The following ADGRL4 variants were observed in gnomAD, a reference collection of about 807,000 sequenced individuals.
ADGRL4 encodes the protein EGF, latrophilin and seven transmembrane domain containing 1.
In ADGRL4, 90 loss-of-function variants were observed where a neutral mutation model predicts 74.8. The ratio of observed to expected loss-of-function variants is 1.20; its 90% CI spans 1.02 to 1.43. The LOEUF (loss-of-function observed/expected upper bound fraction) is 1.43. ADGRL4 is among the 40% of genes most tolerant of loss of function. ADGRL4 has a pLI of 0.00. For synonymous variants in ADGRL4, 311 were observed against 279.2 expected, an observed-to-expected ratio of 1.11 and a Z score of -1.14; for missense variants, 881 against 814.3, an observed-to-expected ratio of 1.08 and a Z score of -1.00.
chr1:78,984,692 C>A (rs1018619922), intron 2 of ADGRL4, among the ~76,000 whole-genome samples: 2 of 150,724 alleles, frequency 1.3e-5, no homozygotes, highest in African/African-American at 4.9e-5. Flanking sequence ...TCTTAAAAAA[C>A]ACACACACAC....
intron 3 of ADGRL4, among the ~76,000 whole-genome samples, chr1:78,941,870 A>T (rs1212374066): frequency 1.3e-5 from 2 of 152,118 alleles, no homozygotes. Flanking sequence ...TATAACACTT[A>T]TGAGCTGTGT....
intron 2 of ADGRL4, among the ~76,000 whole-genome samples, chr1:78,960,623 C>A (rs1164381778): frequency 1.3e-5 from 2 of 152,076 alleles, no homozygotes; most frequent in African/African-American, 4.8e-5. Flanking sequence ...TTTAAAGTAA[C>A]CTTGCAATGG....
chr1:79,000,213 T>C (rs1246371859), intron 2 of ADGRL4, among the ~76,000 whole-genome samples: 1 of 152,178 alleles, frequency 6.6e-6, no homozygotes, highest in Non-Finnish European at 1.5e-5. Context: ...AAAATTTTAA[T>C]TAGGTTTCAT....
chr1:78,955,667 T>C (rs1309273945), intron 2 of ADGRL4, among the ~76,000 whole-genome samples: 1 of 152,120 alleles, frequency 6.6e-6, no homozygotes, highest in African/African-American at 2.4e-5. Flanking sequence ...CATCATTATT[T>C]TTGCGTAATC....
chr1:79,003,849 T>C (rs1476369616), intron 2 of ADGRL4, among the ~76,000 whole-genome samples: 1 of 152,060 alleles, frequency 6.6e-6, no homozygotes, highest in African/African-American at 2.4e-5. Context: ...TGCCATTCAA[T>C]TAAATACACA....
rs41312730 is a variant in ADGRL4, at chr1:78,920,122, T to C, written c.1461+61A>G. The stretch of plus-strand genomic sequence containing the variant: ...AATTACAAATAATGTTTCTAGGACA[T>C]ATACATTTAAGAAAGTACACATATC... On this transcript the variant is annotated intron_variant, in intron 10 of 14. Transcript: ENST00000370742. The C allele has an allele frequency of 0.048, 59,785 of 1,234,972 alleles. 1,693 individuals are homozygous for C. The highest frequency in any genetic ancestry group is 0.055 in the Middle Eastern group (214 of 3,890). 76.5% of individuals were successfully genotyped at this position (1,234,972 alleles called of 1,614,324 possible).
rs986153730 is a variant in ADGRL4, at chr1:79,005,548, C to T, written c.23-329G>A. ...TGTTGATTAAGTGTTACCCTTCATT[C>T]TGAGGTGAGATACTTTGAAAGGGAA... On this transcript the variant is annotated intron_variant, in intron 1 of 14. Coordinates refer to ENST00000370742, the MANE Select transcript of ADGRL4 (RefSeq NM_022159.4). 4.6e-5 allele frequency among the ~76,000 whole-genome samples: 7 copies of T among 152,170 alleles called. 1 individual carries two copies. The highest frequency in any genetic ancestry group is 1.0e-4 in the Non-Finnish European group (7 of 68,040).
chr1:78,896,197 G>C (rs1648394944), intron 12 of ADGRL4, among the ~76,000 whole-genome samples: 1 of 152,040 alleles, frequency 6.6e-6, no homozygotes, highest in South Asian at 2.1e-4. Flanking sequence ...CTCAAGCCTT[G>C]AGGATTTTCC....
intron 2 of ADGRL4, among the ~76,000 whole-genome samples, chr1:78,995,346 A>G (rs1241833595): frequency 2.0e-5 from 3 of 152,178 alleles, no homozygotes; most frequent in Non-Finnish European, 4.4e-5. Flanking sequence ...ATATGGAAAA[A>G]ACGCTTCCTT....
intron 2 of ADGRL4, among the ~76,000 whole-genome samples, chr1:78,952,135 G>A (rs1649742510): frequency 6.6e-6 from 1 of 151,810 alleles, no homozygotes; most frequent in African/African-American, 2.4e-5. Context: ...AGATATTATT[G>A]GCCGGGCTCA....
chr1:78,938,334 A>G (rs914441404), intron 4 of ADGRL4, 55 bp from the exon 5 acceptor site: 4 of 1,409,398 alleles, frequency 2.8e-6, no homozygotes, highest in African/African-American at 2.9e-5. Flanking sequence ...CTGGAGTTTT[A>G]CAAGAATAAA....
At chr1:78,930,802 C>T (rs1462214567) in intron 7 of ADGRL4, among the ~76,000 whole-genome samples, 1 of 151,278 alleles carries the variant, frequency 6.6e-6, no homozygotes, top group Admixed American at 6.6e-5. Context: ...TCTGTACTGT[C>T]TGCTGATGGA....
intron 4 of ADGRL4, among the ~76,000 whole-genome samples, chr1:78,938,589 A>C (rs927732949): frequency 5.9e-5 from 9 of 152,126 alleles, no homozygotes; most frequent in African/African-American, 2.2e-4. Context: ...TATCCTAGCC[A>C]ATGAATCTAC....
chr1:78,924,428 A>G (rs538477433), intron 8 of ADGRL4, among the ~76,000 whole-genome samples: 17 of 152,146 alleles, frequency 1.1e-4, no homozygotes, highest in Admixed American at 7.9e-4. Flanking sequence ...GCTGGAGGAA[A>G]CATGGCATCT....
At chr1:79,003,683 C>G (rs1046222013) in intron 2 of ADGRL4, among the ~76,000 whole-genome samples, 1 of 151,798 alleles carries the variant, frequency 6.6e-6, no homozygotes, top group African/African-American at 2.4e-5. Context: ...TTTTATGTTA[C>G]TTATGCTAAG....
intron 7 of ADGRL4, among the ~76,000 whole-genome samples, chr1:78,932,699 G>C (rs933099728): frequency 6.8e-6 from 1 of 147,342 alleles, no homozygotes; most frequent in Non-Finnish European, 1.5e-5. Flanking sequence ...AAGAAGAAAA[G>C]AGAGAAGAAT....
chr1:79,005,606 G>A (rs1163807360), intron 1 of ADGRL4, among the ~76,000 whole-genome samples: 1 of 152,100 alleles, frequency 6.6e-6, no homozygotes, highest in Non-Finnish European at 1.5e-5. Context: ...CCCTCCTCTG[G>A]GAGTAATCCT....
At chr1:78,935,824 A>C (rs1406803845) in intron 7 of ADGRL4, among the ~76,000 whole-genome samples, 1 of 151,916 alleles carries the variant, frequency 6.6e-6, no homozygotes, top group Non-Finnish European at 1.5e-5. Context: ...AATCTCAAGT[A>C]AGAATATGGA....
intron 2 of ADGRL4, among the ~76,000 whole-genome samples, chr1:78,998,448 C>A (rs1650767406): frequency 6.9e-6 from 1 of 144,218 alleles, no homozygotes; most frequent in South Asian, 2.2e-4. Flanking sequence ...CGGCTCACTG[C>A]AACCTCTGCC....
Sources: allele counts gnomAD v4.1 joint callset (sites outside exome capture counted in the v4.1 genomes callset), GRCh38; gene constraint gnomAD v4.1.1; transcripts MANE v1.5; gene names NCBI Gene and HGNC (gene_info 2026-07-23, HGNC 2026-07-21).